P2RY8: variants seen among roughly 807,000 people sequenced by gnomAD.
P2RY8 encodes S-geranylgeranyl-glutathione receptor P2RY8.
A neutral mutation model predicts 10.0 loss-of-function variants in P2RY8; 6 were observed. The observed-to-expected ratio is 0.60, with a 90% CI of 0.33 to 1.19. The LOEUF is 1.19. P2RY8 is among the 50% of genes most tolerant of loss of function. The pLI, the probability that P2RY8 is intolerant of heterozygous loss-of-function variation, is 0.04. For missense variants in P2RY8, 456 were observed against 542.0 expected (o/e 0.84, Z 1.58); for synonymous variants, 276 against 252.5 (o/e 1.09, Z -0.88).
intron 1 of P2RY8, among the ~76,000 whole-genome samples, chrX:1,532,709 A>G (rs2092488241): frequency 6.6e-6 from 1 of 152,018 alleles, no homozygotes; most frequent in African/African-American, 2.4e-5. Flanking sequence ...AAGGCATAAG[A>G]ATGCCACAAC....
At position 1,518,398 on chromosome X, in the gene P2RY8, C is replaced by T. The variant is rs1603458440; in HGVS notation, c.-25+18523G>A. On this transcript the variant is annotated intron_variant, in intron 1 of 1. Coordinates refer to ENST00000381297, the MANE Select transcript of P2RY8 (RefSeq NM_178129.5). ...CTGAGACTGTGCCACTGCACTCCAG[C>T]GTGGGTGACAGAGCGAGACTCCGTC... is the stretch of plus-strand genomic sequence containing the variant. 4.9e-5 allele frequency among the ~76,000 whole-genome samples: 7 copies of T among 142,970 alleles called. No individual in the cohort carries two copies. The South Asian group carries it at 1.1e-3, about 22-fold the overall frequency. The allele number at this position is 142,970 out of a possible 152,430, so 93.8% of individuals were successfully genotyped here. A position where few individuals can be genotyped will look rare whatever the true frequency, so the allele number is the denominator to read the frequency against.
At chrX:1,521,945 T>TTTTA (rs2092395506) in intron 1 of P2RY8, among the ~76,000 whole-genome samples, 1 of 32,968 alleles carries the variant, frequency 3.0e-5, no homozygotes, top group Non-Finnish European at 5.3e-5. Context: ...TCTCGCTCTC[T>TTTTA]TTTTTTTTTT....
intron 1 of P2RY8, 82 bp from the exon 2 acceptor site, chrX:1,466,664 C>A: frequency 7.4e-7 from 1 of 1,351,108 alleles, no homozygotes. Context: ...GAGCGCCGCT[C>A]CCCGGGGACC....
rs376662884 is a variant in P2RY8 at position 1,497,269 on chromosome X, TCA to T, written c.-24-30689_-24-30688del. On this transcript the variant is annotated intron_variant, in intron 1 of 1. Transcript: ENST00000381297. ...AAAAGAAAAAAAAGAAACTCAAACA[TCA>T]CAGAGAGAGATCAATGTTTTTTTTT... Among the ~76,000 whole-genome samples the T allele has an allele frequency of 5.3e-3, 736 of 139,674 alleles. 6 individuals are homozygous for T. Among genetic ancestry groups the T allele is most frequent in the Middle Eastern group, 0.032 (8 of 252 alleles). The allele number at this position is 139,674 out of a possible 152,430, so 91.6% of individuals were successfully genotyped here. A position where few individuals can be genotyped will look rare whatever the true frequency, so the allele number is the denominator to read the frequency against.
At chrX:1,479,533 C>T (rs1378497249) in intron 1 of P2RY8, among the ~76,000 whole-genome samples, 4 of 151,776 alleles carry the variant, frequency 2.6e-5, no homozygotes, top group South Asian at 2.1e-4. Context: ...GTTTCCACCT[C>T]GAGAAACTAG....
chrX:1,506,224 C>T (rs2092232052), intron 1 of P2RY8, among the ~76,000 whole-genome samples: 5 of 152,036 alleles, frequency 3.3e-5, no homozygotes, highest in Admixed American at 2.6e-4. Context: ...AACTCCTGAC[C>T]TTAGACGACC....
At chrX:1,473,659 G>A (rs1446236167) in intron 1 of P2RY8, among the ~76,000 whole-genome samples, 4 of 151,112 alleles carry the variant, frequency 2.6e-5, no homozygotes, top group Non-Finnish European at 1.5e-5. Flanking sequence ...TGGATTGATG[G>A]GTAGATGGAT....
At chrX:1,535,716 GACACACACACAGACACACACACACAC>G (rs2092520403) in intron 1 of P2RY8, among the ~76,000 whole-genome samples, 1 of 146,202 alleles carries the variant, frequency 6.8e-6, no homozygotes, top group Non-Finnish European at 1.5e-5. Context: ...CACACACACA[GACACACACACAGACACACACACACAC>G]ACACACACAA....
intron 1 of P2RY8, among the ~76,000 whole-genome samples, chrX:1,482,080 G>T (rs2091941528): frequency 6.6e-6 from 1 of 152,102 alleles, no homozygotes; most frequent in African/African-American, 2.4e-5. Context: ...TATATAGCAC[G>T]GGGCTTCATC....
At chrX:1,496,887 A>G in intron 1 of P2RY8, among the ~76,000 whole-genome samples, 1 of 111,370 alleles carries the variant, frequency 9.0e-6, no homozygotes, top group African/African-American at 3.9e-5. Flanking sequence ...GTATTTTAGA[A>G]ACTCAGTCAC....
chrX:1,535,280 T>C (rs1162070634), intron 1 of P2RY8, among the ~76,000 whole-genome samples: 3 of 137,626 alleles, frequency 2.2e-5, no homozygotes, highest in South Asian at 2.3e-4. Context: ...CTCCGCCTCC[T>C]GGGTTCAAGT....
chrX:1,472,195 CTA>C (rs1363240914), intron 1 of P2RY8, among the ~76,000 whole-genome samples: 1 of 151,936 alleles, frequency 6.6e-6, no homozygotes, highest in African/African-American at 2.4e-5. Context: ...GGGTCTGCGT[CTA>C]TGTCATTAGT....
At chrX:1,515,212 G>A (rs1356922960) in intron 1 of P2RY8, among the ~76,000 whole-genome samples, 2 of 147,834 alleles carry the variant, frequency 1.4e-5, no homozygotes, top group African/African-American at 5.0e-5. Context: ...CGCCCAACCT[G>A]CCTTTTTCTT....
chrX:1,515,573 G>A (rs2092340510), intron 1 of P2RY8, among the ~76,000 whole-genome samples: 2 of 151,026 alleles, frequency 1.3e-5, no homozygotes, highest in Non-Finnish European at 3.0e-5. Flanking sequence ...ATTTCTCCAT[G>A]TTGCCCAGGC....
intron 1 of P2RY8, among the ~76,000 whole-genome samples, chrX:1,502,324 C>T (rs1299734084): frequency 6.6e-6 from 1 of 152,146 alleles, no homozygotes; most frequent in Non-Finnish European, 1.5e-5. Context: ...TGGTCATGTC[C>T]TCCCGGGGGG....
At chrX:1,476,631 T>A (rs6645252) in intron 1 of P2RY8, among the ~76,000 whole-genome samples, 56,081 of 151,270 alleles carry the variant, frequency 0.37, 11,837 homozygotes, top group South Asian at 0.61. Flanking sequence ...TATAGATGTT[T>A]GAGAGGTAGC....
At chrX:1,531,351 T>C (rs2092474146) in intron 1 of P2RY8, among the ~76,000 whole-genome samples, 2 of 152,158 alleles carry the variant, frequency 1.3e-5, no homozygotes, top group Admixed American at 6.5e-5. Context: ...GTCTCATGAA[T>C]GGTTCTATCC....
intron 1 of P2RY8, among the ~76,000 whole-genome samples, chrX:1,497,753 G>A (rs7062063): frequency 0.16 from 24,804 of 152,050 alleles, 2,349 homozygotes; most frequent in East Asian, 0.38. Context: ...CGGACTTGCT[G>A]AGGTGTGGAG....
At chrX:1,535,571 G>A (rs1213157483) in intron 1 of P2RY8, among the ~76,000 whole-genome samples, 1 of 151,840 alleles carries the variant, frequency 6.6e-6, no homozygotes, top group African/African-American at 2.4e-5. Flanking sequence ...GAGATTGAAC[G>A]GCGCAGTCAG....
Sources: allele counts gnomAD v4.1 joint callset (sites outside exome capture counted in the v4.1 genomes callset), GRCh38; gene constraint gnomAD v4.1.1; transcripts MANE v1.5; gene names NCBI Gene and HGNC (gene_info 2026-07-23, HGNC 2026-07-21).